The following ITSN2 variants were observed in gnomAD, a reference collection of about 807,000 sequenced individuals.
ITSN2 encodes intersectin-2.
In ITSN2, 156 loss-of-function variants were observed where a neutral mutation model predicts 243.7. The ratio of observed to expected loss-of-function variants is 0.64; its 90% CI spans 0.56 to 0.73. The LOEUF is 0.73. Ranked by LOEUF, ITSN2 falls within the 30% of genes least tolerant of loss-of-function variation. ITSN2 has a pLI of 0.00. For missense variants in ITSN2, 1,801 were observed against 1,996.1 expected (o/e 0.90, Z 1.86); for synonymous variants, 703 against 699.9 (o/e 1.00, Z -0.07).
intron 4 of ITSN2, among the ~76,000 whole-genome samples, 174 bp downstream of exon 4, chr2:24,313,282 TCTCA>T (rs374146287): frequency 2.6e-5 from 4 of 151,968 alleles, no homozygotes; most frequent in African/African-American, 9.7e-5. Context: ...GAGACAGGGT[TCTCA>T]CTATGTTGCC....
Position 24,261,736 on chromosome 2 carries a change from C to G in ITSN2, c.2362G>C (p.Glu788Gln), listed in dbSNP as rs1472454788. The change falls in exon 21 of 40, where the codon GAA becomes CAA. Residue 788 changes from glutamate to glutamine, a missense_variant. Physicochemically the swap from Glu to Gln is conservative, Grantham distance 29. Transcript: ENST00000355123. ...FNSGDIIQVD[E>Q]KTVGEPGWLY... ...CAACCAGGTTCTCCTACGGTTTTTT[C>G]ATCAACCTACGGAAATAAAAAGAAG... is the stretch of plus-strand genomic sequence containing the variant. 1 of 1,610,764 alleles carries G rather than the reference C, an allele frequency of 6.2e-7. No individual in the cohort carries two copies. Among genetic ancestry groups the G allele is most frequent in the Admixed American group, 1.7e-5 (1 of 59,482 alleles).
chr2:24,270,763 T>G lies in ITSN2; in HGVS notation c.2263A>C (p.Thr755Pro), dbSNP rs755331180. 6.4e-7 allele frequency: 1 copy of G among 1,557,758 alleles called. No individual in the cohort carries two copies. Among genetic ancestry groups the G allele is most frequent in the African/African-American group, 1.4e-5 (1 of 73,378 alleles). ...TLKAEEKKRE[T>P]ASVLVNYRAL... ...CTATAATTCACCAAAACACTAGCTGTCTCACCTAAAGAGAAGACAATTGTC... is the reference window on the plus strand; with the variant it reads ...CTATAATTCACCAAAACACTAGCTGGCTCACCTAAAGAGAAGACAATTGTC... Residue 755 changes from threonine (T) to proline (P), a missense_variant, in exon 20 of 40, where the codon ACA becomes CCA. Thr to Pro is a conservative substitution (Grantham distance 38). This residue lies in a region of ITSN2 where 787 missense variants were observed against 803.9 expected (regional missense o/e 0.98). Transcript: ENST00000355123.
intron 2 of ITSN2, among the ~76,000 whole-genome samples, chr2:24,319,990 C>CT (rs1266959796): frequency 6.6e-6 from 1 of 152,126 alleles, no homozygotes; most frequent in East Asian, 1.9e-4. Flanking sequence ...CCTAGATTTT[C>CT]TTTTTTTGCA....
chr2:24,285,892 T>C (rs76992085), intron 16 of ITSN2, among the ~76,000 whole-genome samples: 1,948 of 152,314 alleles, frequency 0.013, 50 homozygotes, highest in African/African-American at 0.045. Flanking sequence ...TTTTTGAAAA[T>C]TGCCTAGGAT....
At position 24,346,860 on chromosome 2, in the gene ITSN2, C is replaced by CT. The variant is rs10534968; in HGVS notation, c.-34+13443dup. Among the ~76,000 whole-genome samples, 149 of 86,302 alleles carry CT rather than the reference C, an allele frequency of 1.7e-3. 3 individuals carry two copies. Among genetic ancestry groups the CT allele is most frequent in the African/African-American group, 6.1e-3 (134 of 21,810 alleles). 56.6% of individuals were successfully genotyped at this position (86,302 alleles called of 152,430 possible). A position where few individuals can be genotyped will look rare whatever the true frequency, so the allele number is the denominator to read the frequency against. Reference sequence around the variant, plus strand: ...CCACTTGATCCACATGGAAATTTATCTTTTTTTTTTTTTTTTTTTTTTGAG... The same window carrying CT: ...CCACTTGATCCACATGGAAATTTATCTTTTTTTTTTTTTTTTTTTTTTTGAG... On this transcript the variant is annotated intron_variant, in intron 1 of 39. Coordinates refer to ENST00000355123, the MANE Select transcript of ITSN2 (RefSeq NM_006277.3).
chr2:24,205,368 A>G (rs1668760824), intron 37 of ITSN2, 71 bp from the exon 38 acceptor site: 2 of 1,296,320 alleles, frequency 1.5e-6, no homozygotes, highest in Non-Finnish European at 2.2e-6. Flanking sequence ...CAAACCAACC[A>G]TAACACTACC....
At chr2:24,281,228 T>C (rs1222610685) in intron 17 of ITSN2, among the ~76,000 whole-genome samples, 7 of 152,028 alleles carry the variant, frequency 4.6e-5, no homozygotes, top group Non-Finnish European at 1.0e-4. Flanking sequence ...CGGGGTTTCA[T>C]CATGTTGGCC....
In ITSN2 at chr2:24,334,474, T is replaced by C. The variant is rs530731559; in HGVS notation, c.-33-6359A>G. ...TTAAGAAGCACAGTTACAGAAAGAA[T>C]TACAATTACTTTCCGTGCCAATAGC... On this transcript the variant is annotated intron_variant, in intron 1 of 39. Coordinates refer to ENST00000355123, the MANE Select transcript of ITSN2 (RefSeq NM_006277.3). 1.2e-4 allele frequency: 78 copies of C among 646,446 alleles called. 1 individual carries two copies. Among genetic ancestry groups the C allele is most frequent in the South Asian group, 9.4e-4 (67 of 71,624 alleles). The allele number at this position is 646,446 out of a possible 1,614,324, so 40.0% of individuals were successfully genotyped here. A position where few individuals can be genotyped will look rare whatever the true frequency, so the allele number is the denominator to read the frequency against.
chr2:24,260,982 A>G, intron 22 of ITSN2, 124 bp downstream of exon 22: 2 of 773,914 alleles, frequency 2.6e-6, no homozygotes, highest in Non-Finnish European at 4.0e-6. Context: ...TGTGAATAAG[A>G]AAGAAACTGA....
chr2:24,291,856 C>T (rs1680299725), intron 15 of ITSN2, among the ~76,000 whole-genome samples: 1 of 152,106 alleles, frequency 6.6e-6, no homozygotes, highest in African/African-American at 2.4e-5. Flanking sequence ...AATTTGATGA[C>T]ATATATGAGC....
intron 1 of ITSN2, among the ~76,000 whole-genome samples, chr2:24,347,509 A>C (rs1160102299): frequency 6.6e-6 from 1 of 152,178 alleles, no homozygotes; most frequent in African/African-American, 2.4e-5. Context: ...CAACATGGAG[A>C]AACCCCGTCC....
At chr2:24,352,107 G>C (rs2151944357) in intron 1 of ITSN2, among the ~76,000 whole-genome samples, 1 of 152,056 alleles carries the variant, frequency 6.6e-6, no homozygotes, top group Non-Finnish European at 1.5e-5. Flanking sequence ...TGTATATATA[G>C]GAAAAAACAT....
At chr2:24,293,016 CAG>C (rs1311906340) in intron 15 of ITSN2, among the ~76,000 whole-genome samples, 1 of 152,190 alleles carries the variant, frequency 6.6e-6, no homozygotes, top group African/African-American at 2.4e-5. Flanking sequence ...ACAACATCTG[CAG>C]ATTTACTTTT....
intron 20 of ITSN2, among the ~76,000 whole-genome samples, chr2:24,269,147 C>CTCA (rs1558524019): frequency 4.0e-5 from 6 of 151,704 alleles, no homozygotes; most frequent in African/African-American, 1.5e-4. Flanking sequence ...TCAGGAACTG[C>CTCA]ATCCTCAATC....
chr2:24,283,489 G>A lies in ITSN2; in HGVS notation c.1944+1274C>T, dbSNP rs947382060. Among the ~76,000 whole-genome samples the A allele has an allele frequency of 8.5e-5, 13 of 152,334 alleles. No homozygotes were observed. The East Asian group carries it at 2.3e-3, about 27-fold the overall frequency. On this transcript the variant is annotated intron_variant, in intron 17 of 39. Transcript: ENST00000355123. ...GATCCGCCCGCCTCGGCCTCCCAAA[G>A]TGTTGGGATTACAGGCGTGAGCCAC...
intron 29 of ITSN2, among the ~76,000 whole-genome samples, chr2:24,229,651 T>C (rs981383976): frequency 5.9e-5 from 9 of 152,178 alleles, no homozygotes; most frequent in African/African-American, 1.7e-4. Flanking sequence ...AATATTACTG[T>C]AGAAAAATGT....
chr2:24,269,462 T>C (rs1419768565), intron 20 of ITSN2, among the ~76,000 whole-genome samples: 1 of 152,192 alleles, frequency 6.6e-6, no homozygotes, highest in Admixed American at 6.5e-5. Context: ...TCATGACTAA[T>C]ACTTCATGTT....
At chr2:24,314,965 A>G (rs1286538933) in intron 3 of ITSN2, among the ~76,000 whole-genome samples, 167 bp downstream of exon 3, 2 of 152,226 alleles carry the variant, frequency 1.3e-5, no homozygotes, top group African/African-American at 2.4e-5. Context: ...ACAAATTAAG[A>G]CAGTTCCAGG....
Position 24,248,724 on chromosome 2 carries a change from C to T in ITSN2, c.3193G>A (p.Val1065Ile). The T allele has an allele frequency of 2.5e-6, 4 of 1,613,428 alleles. No homozygotes were observed. The highest frequency in any genetic ancestry group is 3.4e-6 in the Non-Finnish European group (4 of 1,179,732). ...PEIAQVTSAY[V>I]ASGSEQLSLA... ...CTAAGTTGTTCAGAACCAGAAGCAA[C>T]ATATGCTGAAGTTACCTGAGCAATC... Residue 1065 changes from valine (V) to isoleucine (I), a missense_variant, in exon 27 of 40, where the codon GTT becomes ATT. Physicochemically the swap from Val to Ile is conservative, Grantham distance 29 (BLOSUM62 3). This residue lies in a region of ITSN2 where 928 missense variants were observed against 1,065.4 expected (regional missense o/e 0.87). Coordinates refer to ENST00000355123, the MANE Select transcript of ITSN2 (RefSeq NM_006277.3).
Sources: allele counts gnomAD v4.1 joint callset (sites outside exome capture counted in the v4.1 genomes callset), GRCh38; gene constraint gnomAD v4.1.1; regional missense constraint gnomAD v4.1.1; transcripts MANE v1.5; gene names NCBI Gene and HGNC (gene_info 2026-07-23, HGNC 2026-07-21).